Variants in IL1RAPL2 observed in about 807,000 individuals in gnomAD.
The protein encoded by IL1RAPL2 is interleukin 1 receptor accessory protein like 2.
IL1RAPL2 carries 3 observed loss-of-function variants against 44.1 expected under a neutral mutation model. The observed-to-expected ratio is 0.07, with a 90% confidence interval of 0.03 to 0.18. IL1RAPL2 has a LOEUF of 0.18. Ranked by LOEUF, IL1RAPL2 falls within the 10% of genes least tolerant of loss-of-function variation. The pLI is 1.00. For missense variants in IL1RAPL2, 391 were observed against 496.4 expected, an observed-to-expected ratio of 0.79 and a Z score of 2.02; for synonymous variants, 181 against 178.8, an observed-to-expected ratio of 1.01 and a Z score of -0.10.
intron 1 of IL1RAPL2, among the ~76,000 whole-genome samples, chrX:104,600,980 G>T (rs1318313989): frequency 9.0e-6 from 1 of 111,486 alleles, no homozygotes; most frequent in African/African-American, 3.3e-5. Flanking sequence ...ATGAACATGT[G>T]AATTCATGTG....
At chrX:104,730,581 C>T (rs1931891666) in intron 2 of IL1RAPL2, among the ~76,000 whole-genome samples, 1 of 105,077 alleles carries the variant, frequency 9.5e-6, no homozygotes, top group Admixed American at 1.0e-4. Flanking sequence ...CATAGTATTC[C>T]ATGGTGTATA....
intron 2 of IL1RAPL2, among the ~76,000 whole-genome samples, chrX:104,848,566 A>G (rs1922130963): frequency 9.4e-6 from 1 of 106,360 alleles, no homozygotes; most frequent in Non-Finnish European, 1.9e-5. Flanking sequence ...CTAAATAAAT[A>G]ACCCATTTTC....
chrX:104,906,229 A>ATC (rs1923998067), intron 2 of IL1RAPL2, among the ~76,000 whole-genome samples: 1 of 111,628 alleles, frequency 9.0e-6, no homozygotes, highest in African/African-American at 3.3e-5. Context: ...TTTTGTAGAT[A>ATC]TACAATCATG....
chrX:105,547,183 G>A (rs905586503), intron 6 of IL1RAPL2, among the ~76,000 whole-genome samples: 5 of 112,363 alleles, frequency 4.4e-5, no homozygotes, highest in Non-Finnish European at 9.4e-5. Context: ...AAAATAATGT[G>A]AGCTTTAAGT....
chrX:104,862,971 G>A (rs763100517), intron 2 of IL1RAPL2, among the ~76,000 whole-genome samples: 3 of 111,087 alleles, frequency 2.7e-5, no homozygotes, highest in Non-Finnish European at 5.7e-5. Flanking sequence ...AAAGTGTTGG[G>A]GGTCTTTATG....
chrX:104,712,893 C>G (rs1931486067), intron 2 of IL1RAPL2, among the ~76,000 whole-genome samples: 1 of 110,694 alleles, frequency 9.0e-6, no homozygotes, highest in African/African-American at 3.3e-5. Context: ...AAACAGGAGG[C>G]ATTTTGGTGA....
chrX:104,911,467 A>G (rs1288068029), intron 2 of IL1RAPL2, among the ~76,000 whole-genome samples: 1 of 111,076 alleles, frequency 9.0e-6, no homozygotes, highest in Admixed American at 9.6e-5. Flanking sequence ...CTTATACTCA[A>G]TATCTAGTGA....
At chrX:105,045,051 TG>T (rs1487279440) in intron 2 of IL1RAPL2, among the ~76,000 whole-genome samples, 2 of 111,211 alleles carry the variant, frequency 1.8e-5, no homozygotes, top group African/African-American at 6.5e-5. Flanking sequence ...ACAACTTGAA[TG>T]TGTAGTTAGA....
At chrX:105,388,283 A>G in intron 5 of IL1RAPL2, among the ~76,000 whole-genome samples, 1 of 103,134 alleles carries the variant, frequency 9.7e-6, no homozygotes, top group East Asian at 3.1e-4. Context: ...AGCAAAGCAT[A>G]TAGAGTATAC....
At chrX:105,165,666 T>C (rs1018355152) in intron 2 of IL1RAPL2, among the ~76,000 whole-genome samples, 13 of 112,201 alleles carry the variant, frequency 1.2e-4, no homozygotes, top group Non-Finnish European at 2.3e-4. Flanking sequence ...CCTATTTACT[T>C]CACTGGTATC....
chrX:104,599,836 CCATT>C (rs1264564996), intron 1 of IL1RAPL2, among the ~76,000 whole-genome samples: 1 of 111,229 alleles, frequency 9.0e-6, no homozygotes, highest in Non-Finnish European at 1.9e-5. Flanking sequence ...TTTAAGTTGT[CCATT>C]CATCCCTTTG....
intron 6 of IL1RAPL2, among the ~76,000 whole-genome samples, chrX:105,521,903 A>G (rs2036561589): frequency 8.9e-6 from 1 of 112,360 alleles, no homozygotes; most frequent in African/African-American, 3.2e-5. Flanking sequence ...CACAGAATAC[A>G]TACATGGCTT....
chrX:105,230,063 C>T (rs2034053916), intron 3 of IL1RAPL2, among the ~76,000 whole-genome samples: 1 of 112,253 alleles, frequency 8.9e-6, no homozygotes, highest in East Asian at 2.8e-4. Flanking sequence ...TCCCAAAGTG[C>T]TGGGATTACA....
chrX:104,748,941 C>T (rs1472680805), intron 2 of IL1RAPL2, among the ~76,000 whole-genome samples: 1 of 110,971 alleles, frequency 9.0e-6, no homozygotes, highest in African/African-American at 3.3e-5. Flanking sequence ...TTAGAAAGAT[C>T]TCAGTTCTTA....
chrX:105,560,514 G>T (rs767713894), intron 6 of IL1RAPL2, among the ~76,000 whole-genome samples: 13 of 111,196 alleles, frequency 1.2e-4, no homozygotes, highest in African/African-American at 4.2e-4. Context: ...TGCCACCCGG[G>T]TTCAAGTGAT....
intron 7 of IL1RAPL2, among the ~76,000 whole-genome samples, chrX:105,736,711 C>A: frequency 9.0e-6 from 1 of 111,443 alleles, no homozygotes; most frequent in Non-Finnish European, 1.9e-5. Context: ...ATTAAAAAGT[C>A]AAAAAATAGC....
At chrX:105,484,874 T>A (rs1028382894) in intron 6 of IL1RAPL2, among the ~76,000 whole-genome samples, 1 of 111,763 alleles carries the variant, frequency 8.9e-6, no homozygotes, top group Non-Finnish European at 1.9e-5. Flanking sequence ...TATTTATGAA[T>A]CATATGATGT....
At position 105,218,922 on chromosome X, in the gene IL1RAPL2, A is replaced by G. The variant is rs782146088; in HGVS notation, c.357-14896A>G. ...CCTGCCCTCTGAAAATTAATTCGCC[A>G]TCGAGATATACATGCTTCGGTTCTA... On this transcript the variant is annotated intron_variant, in intron 3 of 10. Coordinates refer to ENST00000372582, the MANE Select transcript of IL1RAPL2 (RefSeq NM_017416.2). 1.0e-5 allele frequency: 11 copies of G among 1,096,490 alleles called. No individual in the cohort carries two copies. The African/African-American group carries it at 1.7e-4, about 17-fold the overall frequency. The allele number at this position is 1,096,490 out of a possible 1,213,427, so 90.4% of individuals were successfully genotyped here. A position where few individuals can be genotyped will look rare whatever the true frequency, so the allele number is the denominator to read the frequency against.
chrX:104,630,306 C>G (rs914486101), intron 1 of IL1RAPL2, among the ~76,000 whole-genome samples: 9 of 110,978 alleles, frequency 8.1e-5, no homozygotes, highest in African/African-American at 2.3e-4. Flanking sequence ...CACCACTATG[C>G]CCAGCTAATT....
Sources: gnomAD v4.1 joint callset for allele counts (sites outside exome capture counted in the v4.1 genomes callset) on GRCh38, gnomAD v4.1.1 for gene constraint, MANE v1.5 for transcripts, NCBI Gene and HGNC (gene_info 2026-07-23, HGNC 2026-07-21) for gene names.